TMEFF2: variants seen among roughly 807,000 people sequenced by gnomAD.
TMEFF2 encodes the protein tomoregulin-2.
Under a neutral mutation model 53.8 loss-of-function variants are expected in TMEFF2, and 28 were observed. That is an observed-to-expected ratio of 0.52 (90% confidence interval 0.39 to 0.71). TMEFF2 has a LOEUF of 0.71. Ranked by LOEUF, TMEFF2 falls within the 30% of genes least tolerant of loss-of-function variation. The pLI is 0.00. For missense variants in TMEFF2, 353 were observed against 455.2 expected, an observed-to-expected ratio of 0.78 and a Z score of 2.04; for synonymous variants, 162 against 166.3, an observed-to-expected ratio of 0.97 and a Z score of 0.20.
chr2:192,070,024 A>G (rs376690138), intron 4 of TMEFF2, among the ~76,000 whole-genome samples: 85,352 of 128,742 alleles, frequency 0.66, 28,441 homozygotes, highest in East Asian at 0.96. Flanking sequence ...ATATATATAT[A>G]TATATATATA....
chr2:192,030,066 C>T (rs1450149716), intron 5 of TMEFF2, among the ~76,000 whole-genome samples: 1 of 152,136 alleles, frequency 6.6e-6, no homozygotes, highest in Non-Finnish European at 1.5e-5. Context: ...CGATCTAGGG[C>T]ATGGAGATGA....
chr2:192,032,495 A>T (rs1196843054), intron 5 of TMEFF2: 1 of 152,200 alleles, frequency 6.6e-6, no homozygotes, highest in Non-Finnish European at 1.5e-5. Context: ...TTTCAACGAG[A>T]GTGTGTTATT....
chr2:192,139,799 A>G (rs914014469), intron 4 of TMEFF2, among the ~76,000 whole-genome samples: 3 of 152,160 alleles, frequency 2.0e-5, no homozygotes, highest in East Asian at 1.9e-4. Flanking sequence ...CCCTTTAACT[A>G]TGATGGAGAA....
At chr2:191,982,641 G>A (rs1685881105) in intron 7 of TMEFF2, among the ~76,000 whole-genome samples, 1 of 152,022 alleles carries the variant, frequency 6.6e-6, no homozygotes, top group Non-Finnish European at 1.5e-5. Flanking sequence ...TAGAAGTTAT[G>A]AGTTTTATAC....
At chr2:191,986,037 C>G (rs1574267357) in intron 7 of TMEFF2, among the ~76,000 whole-genome samples, 1 of 152,292 alleles carries the variant, frequency 6.6e-6, no homozygotes, top group Middle Eastern at 3.4e-3. Context: ...ATGAACACTT[C>G]AGTTTTAATG....
intron 1 of TMEFF2, among the ~76,000 whole-genome samples, chr2:192,193,761 T>TAGAG (rs530141565): frequency 0.012 from 587 of 47,668 alleles, 4 homozygotes; most frequent in South Asian, 0.02. Context: ...GATAGATAGA[T>TAGAG]AGAGAGAGAG....
intron 4 of TMEFF2, among the ~76,000 whole-genome samples, chr2:192,089,047 G>A (rs532327059): frequency 1.3e-5 from 2 of 152,084 alleles, no homozygotes; most frequent in Non-Finnish European, 2.9e-5. Context: ...GTACTCAGTA[G>A]ACATTTGTCT....
chr2:192,153,134 T>C (rs182676115), intron 4 of TMEFF2, among the ~76,000 whole-genome samples: 73 of 151,656 alleles, frequency 4.8e-4, no homozygotes, highest in Non-Finnish European at 9.2e-4. Context: ...TTTTAATAAA[T>C]CTAAGAGTTA....
chr2:192,071,526 C>T (rs144599166), intron 4 of TMEFF2, among the ~76,000 whole-genome samples: 28 of 151,920 alleles, frequency 1.8e-4, no homozygotes, highest in African/African-American at 6.0e-4. Flanking sequence ...TACCCAGCTA[C>T]CTGATTGGTT....
chr2:192,085,588 G>T (rs1688651628), intron 4 of TMEFF2, among the ~76,000 whole-genome samples: 1 of 151,896 alleles, frequency 6.6e-6, no homozygotes, highest in African/African-American at 2.4e-5. Flanking sequence ...AGTGTGCTTG[G>T]TTCCATCTCG....
intron 5 of TMEFF2, among the ~76,000 whole-genome samples, chr2:192,028,300 T>C (rs766023840): frequency 1.5e-4 from 23 of 152,186 alleles, no homozygotes; most frequent in Non-Finnish European, 3.1e-4. Context: ...GGTATGTCTT[T>C]ATCAGCAGTG....
chr2:192,166,339 C>A (rs769983646), intron 4 of TMEFF2, among the ~76,000 whole-genome samples: 6 of 152,116 alleles, frequency 3.9e-5, no homozygotes, highest in Non-Finnish European at 8.8e-5. Flanking sequence ...CCTCAAAACT[C>A]TTTATGACTT....
intron 4 of TMEFF2, among the ~76,000 whole-genome samples, chr2:192,143,149 G>A (rs370192145): frequency 1.3e-5 from 2 of 152,172 alleles, no homozygotes; most frequent in South Asian, 2.1e-4. Flanking sequence ...TTTAGTCTAC[G>A]TAAAACTCAC....
chr2:192,154,551 T>C (rs1484870603), intron 4 of TMEFF2, among the ~76,000 whole-genome samples: 1 of 152,022 alleles, frequency 6.6e-6, no homozygotes, highest in African/African-American at 2.4e-5. Context: ...CAGAACTTTG[T>C]ATCAACCTTA....
chr2:192,032,216 C>T (rs2105873822), intron 5 of TMEFF2, among the ~76,000 whole-genome samples: 1 of 152,190 alleles, frequency 6.6e-6, no homozygotes, highest in Non-Finnish European at 1.5e-5. Flanking sequence ...CCATCTTTTC[C>T]CTTAATGCCC....
At chr2:192,022,071 A>G (rs1449094397) in intron 5 of TMEFF2, 1 of 152,150 alleles carries the variant, frequency 6.6e-6, no homozygotes, top group Non-Finnish European at 1.5e-5. Context: ...GTGAAGCTAT[A>G]CCCATTAGTC....
chr2:192,105,684 T>G (rs1689129961), intron 4 of TMEFF2, among the ~76,000 whole-genome samples: 1 of 151,992 alleles, frequency 6.6e-6, no homozygotes, highest in African/African-American at 2.4e-5. Context: ...CATCATATAC[T>G]ACATGCCATT....
intron 4 of TMEFF2, among the ~76,000 whole-genome samples, chr2:192,130,334 T>C (rs1689786261): frequency 1.3e-5 from 2 of 152,152 alleles, no homozygotes; most frequent in Admixed American, 1.3e-4. Flanking sequence ...GCAATCTCCA[T>C]AATTTTTAGA....
At position 191,949,767 on chromosome 2, in the gene TMEFF2, T is replaced by C; in HGVS notation, c.*544A>G. ...ATGGAAGACCAGGGAAGAAAGTTGA[T>C]GAAATAGAGATGATTCAAAGATCGG... On this transcript the variant is annotated 3_prime_UTR_variant, in exon 10 of 10. Coordinates refer to ENST00000272771, the MANE Select transcript of TMEFF2 (RefSeq NM_016192.4). 1.0e-6 allele frequency: 1 copy of C among 985,324 alleles called. No homozygotes were observed. The highest frequency in any genetic ancestry group is 1.2e-6 in the Non-Finnish European group (1 of 829,826). 61.0% of individuals were successfully genotyped at this position (985,324 alleles called of 1,614,324 possible).
Sources: gnomAD v4.1 joint callset for allele counts (sites outside exome capture counted in the v4.1 genomes callset) on GRCh38, gnomAD v4.1.1 for gene constraint, MANE v1.5 for transcripts, NCBI Gene and HGNC (gene_info 2026-07-23, HGNC 2026-07-21) for gene names.